The following C10orf67 variants were observed in gnomAD, a reference collection of about 807,000 sequenced individuals.
C10orf67 encodes uncharacterized protein C10orf67, mitochondrial.
C10orf67 carries 60 observed loss-of-function variants against 35.6 expected under a neutral mutation model. That is an observed-to-expected ratio of 1.68 (90% CI 1.37 to 2.09). C10orf67 has a LOEUF of 2.09. C10orf67 is among the 30% of genes most tolerant of loss of function. The pLI is 0.00. For synonymous variants in C10orf67, 167 were observed against 115.8 expected (o/e 1.44, Z -2.84); for missense variants, 474 against 330.2 (o/e 1.44, Z -3.38).
intron 10 of C10orf67, among the ~76,000 whole-genome samples, chr10:23,254,846 A>G (rs1300188549): frequency 6.6e-6 from 1 of 152,072 alleles, no homozygotes; most frequent in African/African-American, 2.4e-5. Context: ...TTCCACAAAC[A>G]TCTCTCTTAT....
Position 23,315,546 on chromosome 10 carries a change from C to T in C10orf67, c.546+5195G>A, listed in dbSNP as rs11013382. The stretch of plus-strand genomic sequence containing the variant: ...CTTAACTTCCTGGGCTCAAGTGATA[C>T]TCCCACCTCGGCCTTCCAAGTAGCT... On this transcript the variant is annotated intron_variant, in intron 4 of 15. Transcript: ENST00000636213. 7.6e-3 allele frequency among the ~76,000 whole-genome samples: 1,153 copies of T among 152,136 alleles called. 14 individuals are homozygous for T. The highest frequency in any genetic ancestry group is 0.026 in the African/African-American group (1,096 of 41,508).
intron 15 of C10orf67, among the ~76,000 whole-genome samples, chr10:23,208,549 T>C (rs1841218732): frequency 6.6e-6 from 1 of 152,204 alleles, no homozygotes; most frequent in Admixed American, 6.5e-5. Flanking sequence ...GTGCTAGTCA[T>C]TGAGTGACTG....
Position 23,202,770 on chromosome 10 carries a change from T to C in C10orf67, c.*1403A>G, listed in dbSNP as rs922009360. ...GATAAATCTTGAAGGTTCAAGTTTCTATTAAAGTTCTGAAATGAAGCAGTT... is the reference window on the plus strand; with the variant it reads ...GATAAATCTTGAAGGTTCAAGTTTCCATTAAAGTTCTGAAATGAAGCAGTT... On this transcript the variant is annotated 3_prime_UTR_variant, in exon 16 of 16. Transcript: ENST00000636213. The C allele has an allele frequency of 6.6e-6, 1 of 150,682 alleles. No homozygotes were observed. The highest frequency in any genetic ancestry group is 6.6e-5 in the Admixed American group (1 of 15,244). The allele number at this position is 150,682 out of a possible 1,614,324, so 9.3% of individuals were successfully genotyped here.
chr10:23,283,131 A>C (rs1219934799), intron 7 of C10orf67, among the ~76,000 whole-genome samples: 1 of 152,168 alleles, frequency 6.6e-6, no homozygotes, highest in African/African-American at 2.4e-5. Context: ...CCCTCATGTG[A>C]TTATTACACA....
At chr10:23,276,860 G>A (rs184156752) in intron 8 of C10orf67, among the ~76,000 whole-genome samples, 4 of 152,268 alleles carry the variant, frequency 2.6e-5, no homozygotes, top group South Asian at 4.1e-4. Flanking sequence ...ATTAGTAAAT[G>A]TATTAGAAAG....
chr10:23,257,583 C>T (rs1842636233), intron 10 of C10orf67, among the ~76,000 whole-genome samples: 1 of 152,078 alleles, frequency 6.6e-6, no homozygotes, highest in Non-Finnish European at 1.5e-5. Flanking sequence ...CAGGAGAATC[C>T]CTTGAGCTCG....
intron 2 of C10orf67, among the ~76,000 whole-genome samples, chr10:23,323,952 T>TATATACACACAC (rs1564513730): frequency 3.4e-4 from 22 of 64,676 alleles, no homozygotes; most frequent in Non-Finnish European, 6.0e-4. Flanking sequence ...TATATATATA[T>TATATACACACAC]ACACACACAC....
intron 15 of C10orf67, among the ~76,000 whole-genome samples, chr10:23,212,167 A>G (rs1470816599): frequency 6.6e-6 from 1 of 152,208 alleles, no homozygotes; most frequent in African/African-American, 2.4e-5. Flanking sequence ...GGAGAATGTC[A>G]TCTACAGGTA....
At chr10:23,343,508 G>A (rs1237689641) in intron 1 of C10orf67, among the ~76,000 whole-genome samples, 5 of 152,188 alleles carry the variant, frequency 3.3e-5, no homozygotes, top group Non-Finnish European at 2.9e-5. Flanking sequence ...ACAGCAGCCC[G>A]AGGGGACTAA....
At chr10:23,292,158 C>CTTTTTTTTTTTTTTTTTTT in intron 5 of C10orf67, among the ~76,000 whole-genome samples, 1 of 69,324 alleles carries the variant, frequency 1.4e-5, no homozygotes, top group East Asian at 6.7e-4. Flanking sequence ...GACAGCTACT[C>CTTTTTTTTTTTTTTTTTTT]TTTTTTTTTT....
At chr10:23,239,654 C>A (rs1036720090) in intron 13 of C10orf67, 75 bp downstream of exon 13, 14 of 590,336 alleles carry the variant, frequency 2.4e-5, no homozygotes, top group Non-Finnish European at 3.3e-5. Flanking sequence ...CTTGATAAAC[C>A]TTAAACGAGA....
At chr10:23,313,206 C>G (rs1397373838) in intron 4 of C10orf67, among the ~76,000 whole-genome samples, 3 of 152,324 alleles carry the variant, frequency 2.0e-5, no homozygotes, top group South Asian at 2.1e-4. Flanking sequence ...CCAATGTGGA[C>G]TGTAATTGCT....
chr10:23,224,252 A>C (rs1841668425), intron 13 of C10orf67, among the ~76,000 whole-genome samples: 1 of 152,312 alleles, frequency 6.6e-6, no homozygotes, highest in African/African-American at 2.4e-5. Context: ...TCCGCTGCTG[A>C]TACCCGGGTA....
At chr10:23,288,939 A>G (rs542565075) in intron 7 of C10orf67, among the ~76,000 whole-genome samples, 2 of 152,150 alleles carry the variant, frequency 1.3e-5, no homozygotes, top group Non-Finnish European at 2.9e-5. Flanking sequence ...CGTGCTCCCC[A>G]CTAAGAGACC....
intron 13 of C10orf67, among the ~76,000 whole-genome samples, chr10:23,228,384 C>T (rs1841803611): frequency 6.6e-6 from 1 of 152,086 alleles, no homozygotes; most frequent in South Asian, 2.1e-4. Flanking sequence ...ACTGGCTAGC[C>T]ATATATAGAA....
At chr10:23,247,272 G>C (rs994381985) in intron 12 of C10orf67, among the ~76,000 whole-genome samples, 6 of 152,088 alleles carry the variant, frequency 3.9e-5, no homozygotes, top group African/African-American at 1.4e-4. Context: ...TCCATTCATG[G>C]TAAGTGCCTT....
intron 1 of C10orf67, among the ~76,000 whole-genome samples, chr10:23,335,873 C>G (rs1845659771): frequency 2.6e-5 from 4 of 152,198 alleles, no homozygotes. Context: ...TGTACCTTAA[C>G]AGTACCCTCA....
At chr10:23,293,432 G>A (rs996814293) in intron 5 of C10orf67, among the ~76,000 whole-genome samples, 3 of 152,162 alleles carry the variant, frequency 2.0e-5, no homozygotes, top group East Asian at 3.9e-4. Context: ...GAGCTGCTAC[G>A]GTGCTCTGTT....
chr10:23,321,846 G>C (rs1844969231), intron 3 of C10orf67, among the ~76,000 whole-genome samples: 1 of 151,840 alleles, frequency 6.6e-6, no homozygotes, highest in Non-Finnish European at 1.5e-5. Flanking sequence ...GAGTGCAGTG[G>C]TGTGATCATA....
Sources: allele counts gnomAD v4.1 joint callset (sites outside exome capture counted in the v4.1 genomes callset), GRCh38; gene constraint gnomAD v4.1.1; transcripts MANE v1.5; gene names NCBI Gene and HGNC (gene_info 2026-07-23, HGNC 2026-07-21).